The following APOL4 variants were observed in gnomAD, a reference collection of about 807,000 sequenced individuals.
APOL4 encodes the protein apolipoprotein L, 4.
A neutral mutation model predicts 12.1 loss-of-function variants in APOL4; 14 were observed. That is an observed-to-expected ratio of 1.16 (90% CI 0.76 to 1.81). The LOEUF (loss-of-function observed/expected upper bound fraction) is 1.81. Among genes scored for constraint, APOL4 ranks in the 40% most tolerant of loss-of-function variants. The pLI, the probability that APOL4 is intolerant of heterozygous loss-of-function variation, is 0.00. For missense variants in APOL4, 432 were observed against 423.1 expected, an observed-to-expected ratio of 1.02 and a Z score of -0.18; for synonymous variants, 171 against 160.6, an observed-to-expected ratio of 1.06 and a Z score of -0.49.
intron 3 of APOL4, 61 bp from the exon 4 acceptor site, chr22:36,191,973 A>C (rs539133604): frequency 2.2e-4 from 296 of 1,335,936 alleles, no homozygotes; most frequent in Admixed American, 3.1e-4. Context: ...AAATGAGCTC[A>C]ATAAGATCTA....
Position 36,189,233 on chromosome 22 carries a change from C to A in APOL4, c.*1842G>T, listed in dbSNP as rs1047446319. The A allele has an allele frequency of 2.0e-5, 3 of 152,226 alleles. No individual in the cohort carries two copies. Among genetic ancestry groups the A allele is most frequent in the African/African-American group, 7.2e-5 (3 of 41,454 alleles). 9.4% of individuals were successfully genotyped at this position (152,226 alleles called of 1,614,324 possible). On this transcript the variant is annotated 3_prime_UTR_variant, in exon 4 of 4. Transcript: ENST00000683024. Reference sequence around the variant, plus strand: ...TCTAAACTGCTTTTCAGTTAATTTTCTGGCTCTTTGTCTACTATATATGAG... The same window carrying A: ...TCTAAACTGCTTTTCAGTTAATTTTATGGCTCTTTGTCTACTATATATGAG...
At position 36,191,775 on chromosome 22, in the gene APOL4, A is replaced by G. The variant is rs1398896821; in HGVS notation, c.347T>C (p.Ile116Thr). 1.2e-6 allele frequency: 2 copies of G among 1,609,648 alleles called. No homozygotes were observed. Among genetic ancestry groups the G allele is most frequent in the Middle Eastern group, 1.7e-4 (1 of 6,056 alleles). ...ACGAAGCCTTTCTATGGACTCCTGAATCTTCCATCTGATTTGAGGAAACTC... is the reference window on the plus strand; with the variant it reads ...ACGAAGCCTTTCTATGGACTCCTGAGTCTTCCATCTGATTTGAGGAAACTC... Reference protein sequence around the residue: ...LKEFPQIRWKIQESIERLRVI... With the variant: ...LKEFPQIRWKTQESIERLRVI... The change falls in exon 4 of 4, where the codon ATT becomes ACT. Residue 116 changes from isoleucine to threonine, a missense_variant. Coordinates refer to ENST00000683024, the MANE Select transcript of APOL4 (RefSeq NM_001386885.1).
intron 1 of APOL4, among the ~76,000 whole-genome samples, chr22:36,199,834 A>G (rs958890418): frequency 1.7e-4 from 25 of 151,048 alleles, no homozygotes; most frequent in African/African-American, 4.6e-4. Context: ...TTTGAGACGG[A>G]GTCTCGCTCT....
At chr22:36,202,087 T>C (rs2014600824), upstream of APOL4, 1 of 1,613,008 alleles carries the variant, frequency 6.2e-7, no homozygotes, top group Admixed American at 1.7e-5. Context: ...TGAGACAGTG[T>C]GCTCCTCCTG....
Position 36,190,984 on chromosome 22 carries a change from T to C in APOL4, c.*91A>G. Reference sequence around the variant, plus strand: ...AGTATTAATTTGGGGAACTAATAAATGTCCATGAAATCTTCACAATCCACG... The same window carrying C: ...AGTATTAATTTGGGGAACTAATAAACGTCCATGAAATCTTCACAATCCACG... On this transcript the variant is annotated 3_prime_UTR_variant, in exon 4 of 4. Coordinates refer to ENST00000683024, the MANE Select transcript of APOL4 (RefSeq NM_001386885.1). 8.9e-7 allele frequency: 1 copy of C among 1,124,228 alleles called. No individual in the cohort carries two copies. 69.6% of individuals were successfully genotyped at this position (1,124,228 alleles called of 1,614,324 possible). A position where few individuals can be genotyped will look rare whatever the true frequency, so the allele number is the denominator to read the frequency against.
In APOL4 at chr22:36,189,247, A is replaced by G. The variant is rs1162847861; in HGVS notation, c.*1828T>C. The G allele has an allele frequency of 2.0e-5, 3 of 152,210 alleles. No homozygotes were observed. Among genetic ancestry groups the G allele is most frequent in the Non-Finnish European group, 4.4e-5 (3 of 68,048 alleles). 9.4% of individuals were successfully genotyped at this position (152,210 alleles called of 1,614,324 possible). On this transcript the variant is annotated 3_prime_UTR_variant, in exon 4 of 4. Transcript: ENST00000683024. ...CAGTTAATTTTCTGGCTCTTTGTCTACTATATATGAGCAACGAGACTTTTA... is the reference window on the plus strand; with the variant it reads ...CAGTTAATTTTCTGGCTCTTTGTCTGCTATATATGAGCAACGAGACTTTTA...
chr22:36,191,181 T>C lies in APOL4; in HGVS notation c.941A>G (p.Lys314Arg). The C allele has an allele frequency of 6.2e-7, 1 of 1,613,396 alleles. No homozygotes were observed. The highest frequency in any genetic ancestry group is 2.2e-5 in the East Asian group (1 of 44,860). The stretch of plus-strand genomic sequence containing the variant: ...CTCAGCAGACTCGGATTTTGCCCCC[T>C]TGTGCAAGTCCAGTGAGTCTTGCAC... ...NLVQDSLDLH[K>R]GAKSESAESL... is the part of the protein sequence containing the mutation. The change falls in exon 4 of 4, where the codon AAG (lysine) becomes AGG (arginine). Residue 314 changes from lysine to arginine, a missense_variant. Lys to Arg is a conservative substitution (Grantham distance 26, BLOSUM62 2). Transcript: ENST00000683024.
intron 3 of APOL4, among the ~76,000 whole-genome samples, chr22:36,193,008 TTGCTGGGCC>T (rs1352645600): frequency 6.6e-6 from 1 of 152,230 alleles, no homozygotes. Context: ...CATCCCGTGC[TTGCTGGGCC>T]TGCACCGCCC....
chr22:36,202,495 A>T (rs1246134999), upstream of APOL4, among the ~76,000 whole-genome samples: 1 of 152,216 alleles, frequency 6.6e-6, no homozygotes, highest in Non-Finnish European at 1.5e-5. Flanking sequence ...TGGGAGGCCG[A>T]GGCAGGCAGA....
intron 2 of APOL4, among the ~76,000 whole-genome samples, chr22:36,196,685 T>C (rs6000177): frequency 0.041 from 6,260 of 152,230 alleles, 224 homozygotes; most frequent in African/African-American, 0.092. Flanking sequence ...TATAATTGTT[T>C]CCTGCTGTGC....
chr22:36,197,907 C>T, intron 2 of APOL4: 1 of 1,463,082 alleles, frequency 6.8e-7, no homozygotes, highest in East Asian at 2.5e-5. Context: ...CCACCTTTCA[C>T]CCCAGACTCA....
chr22:36,194,069 G>A (rs1351876486), intron 3 of APOL4, among the ~76,000 whole-genome samples: 1 of 152,204 alleles, frequency 6.6e-6, no homozygotes, highest in Non-Finnish European at 1.5e-5. Context: ...CCTGCATTTG[G>A]ACAAGATGGT....
chr22:36,197,004 T>C (rs2014429192), intron 2 of APOL4, among the ~76,000 whole-genome samples: 1 of 152,144 alleles, frequency 6.6e-6, no homozygotes, highest in African/African-American at 2.4e-5. Context: ...CCCTCAGCAC[T>C]GATCCTTGTG....
At chr22:36,200,251 T>A (rs2014532678) in intron 1 of APOL4, among the ~76,000 whole-genome samples, 1 of 152,250 alleles carries the variant, frequency 6.6e-6, no homozygotes, top group African/African-American at 2.4e-5. Flanking sequence ...AGCCAGGACT[T>A]CTGCTTCAAC....
At chr22:36,201,841 T>A, upstream of APOL4, 1 of 1,571,360 alleles carries the variant, frequency 6.4e-7, no homozygotes, top group Non-Finnish European at 8.6e-7. Context: ...GTGCGTCCCC[T>A]CTAGGCGAGT....
chr22:36,202,504 G>A (rs968383865), upstream of APOL4, among the ~76,000 whole-genome samples: 1 of 152,170 alleles, frequency 6.6e-6, no homozygotes, highest in African/African-American at 2.4e-5. Context: ...GAGGCAGGCA[G>A]ATCACAAGGT....
rs2014254489 is a variant in APOL4 at position 36,191,650 on chromosome 22, C to T, written c.472G>A (p.Ala158Thr). The stretch of plus-strand genomic sequence containing the variant: ...AGGCTCAGCCCTGCTGTAAATGGTG[C>T]CAACATAACGCCAATGACAGACAGG... ...GILSVIGVML[A>T]PFTAGLSLSI... Residue 158 changes from alanine to threonine, a missense_variant, in exon 4 of 4, where the codon GCA becomes ACA. Coordinates refer to ENST00000683024, the MANE Select transcript of APOL4 (RefSeq NM_001386885.1). 1 of 1,613,828 alleles carries T rather than the reference C, an allele frequency of 6.2e-7. No homozygotes were observed. The highest frequency in any genetic ancestry group is 1.1e-5 in the South Asian group (1 of 91,070).
rs768241242 is a variant in APOL4 at position 36,191,096 on chromosome 22, A to G, written c.1026T>C (p.His342=). 6.2e-6 allele frequency: 10 copies of G among 1,605,278 alleles called. No individual in the cohort carries two copies. In the South Asian group the frequency reaches 8.9e-5, roughly 14 times the overall value. Residue 342 remains histidine (H), a synonymous_variant, in exon 4 of 4, where the codon CAT becomes CAC. Coordinates refer to ENST00000683024, the MANE Select transcript of APOL4 (RefSeq NM_001386885.1). ...EENLNELTHI[H]QSLKAG ...GGGCCTAGCCTGCTTTTAGACTCTG[A>G]TGGATATGGGTGAGCTCATTGAGAT... is the stretch of plus-strand genomic sequence containing the variant.
In APOL4 at chr22:36,201,465, G is replaced by C. The variant is rs993271302; in HGVS notation, c.35+235C>G. 22 of 895,286 alleles carry C rather than the reference G, an allele frequency of 2.5e-5. No individual in the cohort carries two copies. In the African/African-American group the frequency reaches 3.3e-4, roughly 13 times the overall value. 55.5% of individuals were successfully genotyped at this position (895,286 alleles called of 1,614,324 possible). On this transcript the variant is annotated intron_variant, in intron 1 of 3. Transcript: ENST00000683024. ...CCCCATGCAACAAGGGTAAAAGGGG[G>C]ACCCAGTCCTGGGCAGCATTCACCA...
Sources: gnomAD v4.1 joint callset for allele counts (sites outside exome capture counted in the v4.1 genomes callset) on GRCh38, gnomAD v4.1.1 for gene constraint, MANE v1.5 for transcripts, NCBI Gene and HGNC (gene_info 2026-07-23, HGNC 2026-07-21) for gene names.